Variants in AKT3 observed in about 807,000 individuals in gnomAD.
AKT3 encodes the protein RAC-gamma serine/threonine-protein kinase.
In AKT3, 15 loss-of-function variants were observed where a neutral mutation model predicts 65.3. The ratio of observed to expected loss-of-function variants is 0.23; its 90% CI spans 0.15 to 0.35. AKT3 has a LOEUF of 0.35. AKT3 is among the 10% of genes least tolerant of loss of function. The pLI, the probability that AKT3 is intolerant of heterozygous loss-of-function variation, is 1.00. For synonymous variants in AKT3, 206 were observed against 183.8 expected (o/e 1.12, Z -0.98); for missense variants, 243 against 576.5 (o/e 0.42, Z 5.92).
At chr1:243,675,148 C>A (rs980951235) in intron 3 of AKT3, among the ~76,000 whole-genome samples, 1 of 152,148 alleles carries the variant, frequency 6.6e-6, no homozygotes, top group African/African-American at 2.4e-5. Context: ...TCAGTGCATA[C>A]ATACCACAGT....
chr1:243,526,904 C>T (rs867772525), intron 12 of AKT3, among the ~76,000 whole-genome samples: 18 of 150,468 alleles, frequency 1.2e-4, no homozygotes, highest in Middle Eastern at 3.5e-3. Context: ...AATTAGACAG[C>T]GGTGATGGTT....
At chr1:243,845,290 T>C (rs1034995597) in intron 1 of AKT3, among the ~76,000 whole-genome samples, 7 of 150,508 alleles carry the variant, frequency 4.7e-5, no homozygotes, top group Non-Finnish European at 1.0e-4. Context: ...AGGCTGAGAC[T>C]CCTCAAAATC....
chr1:243,758,407 G>A lies in AKT3; in HGVS notation c.47-62691C>T, dbSNP rs149507173. On this transcript the variant is annotated intron_variant, in intron 2 of 13. Coordinates refer to ENST00000673466, the MANE Select transcript of AKT3 (RefSeq NM_005465.7). ...GTGGGAAAGAGTTTTCTTGACATAG[G>A]GAATAGCAAGGCTTTAAGATGGAAA... 1.5e-3 allele frequency among the ~76,000 whole-genome samples: 230 copies of A among 152,182 alleles called. 1 individual carries two copies. The highest frequency in any genetic ancestry group is 5.3e-3 in the African/African-American group (220 of 41,520).
chr1:243,619,886 CT>C lies in AKT3; in HGVS notation c.562-4726del, dbSNP rs200628154. ...AGTTCTATTTTTAGTTTTTGAGGAA[CT>C]TTCATATGGTTTTCTATAGTGGTTA... On this transcript the variant is annotated intron_variant, in intron 6 of 13. Coordinates refer to ENST00000673466, the MANE Select transcript of AKT3 (RefSeq NM_005465.7). Among the ~76,000 whole-genome samples, 857 of 98,228 alleles carry C rather than the reference CT, an allele frequency of 8.7e-3. 135 individuals carry two copies. The highest frequency in any genetic ancestry group is 0.021 in the African/African-American group (805 of 38,108). The allele number at this position is 98,228 out of a possible 152,430, so 64.4% of individuals were successfully genotyped here. A position where few individuals can be genotyped will look rare whatever the true frequency, so the allele number is the denominator to read the frequency against.
chr1:243,607,416 T>C (rs1677508970), intron 8 of AKT3, among the ~76,000 whole-genome samples: 1 of 152,192 alleles, frequency 6.6e-6, no homozygotes, highest in South Asian at 2.1e-4. Flanking sequence ...TTTGGAACTT[T>C]AAGGTTTAAT....
At chr1:243,740,871 G>C (rs1688111915) in intron 2 of AKT3, 1 of 152,098 alleles carries the variant, frequency 6.6e-6, no homozygotes, top group Admixed American at 6.5e-5. Context: ...ACAAAGGCCA[G>C]GTAGGAAAGA....
intron 2 of AKT3, among the ~76,000 whole-genome samples, chr1:243,773,623 G>GC (rs199649280): frequency 0.01 from 1,548 of 151,728 alleles, 20 homozygotes; most frequent in African/African-American, 0.036. Context: ...AGACCCCATC[G>GC]CCCCCCACAA....
At chr1:243,829,284 A>G (rs1694359054) in intron 2 of AKT3, among the ~76,000 whole-genome samples, 1 of 151,994 alleles carries the variant, frequency 6.6e-6, no homozygotes, top group African/African-American at 2.4e-5. Flanking sequence ...TTAAAGGAGA[A>G]TATATTACTT....
intron 12 of AKT3, among the ~76,000 whole-genome samples, chr1:243,519,713 G>A (rs958240564): frequency 2.6e-5 from 4 of 152,006 alleles, no homozygotes; most frequent in Non-Finnish European, 5.9e-5. Flanking sequence ...GAGCTTTCAT[G>A]AGAAATCATT....
chr1:243,595,256 C>T (rs1395687887), intron 8 of AKT3, among the ~76,000 whole-genome samples: 4 of 152,006 alleles, frequency 2.6e-5, no homozygotes, highest in African/African-American at 9.7e-5. Context: ...TAGAAAAGTA[C>T]AGTAAAAATA....
downstream of AKT3, among the ~76,000 whole-genome samples, chr1:243,495,457 T>C (rs1667579024): frequency 6.6e-6 from 1 of 152,200 alleles, no homozygotes; most frequent in Non-Finnish European, 1.5e-5. Flanking sequence ...GTGGAGGCTG[T>C]TATCAGGGGC....
chr1:243,603,849 T>C (rs1677194795), intron 8 of AKT3, among the ~76,000 whole-genome samples: 1 of 152,050 alleles, frequency 6.6e-6, no homozygotes, highest in Non-Finnish European at 1.5e-5. Flanking sequence ...AATAACTAAA[T>C]ATTACTAGAA....
chr1:243,813,770 A>G (rs569693810), intron 2 of AKT3, among the ~76,000 whole-genome samples: 7 of 152,342 alleles, frequency 4.6e-5, no homozygotes, highest in Admixed American at 2.6e-4. Context: ...AGATAAAGTG[A>G]TATCTACAGC....
chr1:243,592,997 G>A (rs762529254), intron 8 of AKT3, among the ~76,000 whole-genome samples: 4 of 152,130 alleles, frequency 2.6e-5, no homozygotes, highest in African/African-American at 4.8e-5. Flanking sequence ...TAATCTAAGC[G>A]GAACACAAAA....
At position 243,806,968 on chromosome 1, in the gene AKT3, A is replaced by T. The variant is rs548011332; in HGVS notation, c.46+36157T>A. Among the ~76,000 whole-genome samples the T allele has an allele frequency of 1.1e-4, 16 of 152,290 alleles. No homozygotes were observed. In the East Asian group the frequency reaches 3.1e-3, roughly 29 times the overall value. ...TTTCCCTATAATTCATAACGTAAAA[A>T]CTGATTCAGGCAATATCATCAATGG... is the stretch of plus-strand genomic sequence containing the variant. On this transcript the variant is annotated intron_variant, in intron 2 of 13. Coordinates refer to ENST00000673466, the MANE Select transcript of AKT3 (RefSeq NM_005465.7).
intron 8 of AKT3, among the ~76,000 whole-genome samples, chr1:243,605,268 T>A (rs1159598944): frequency 6.6e-6 from 1 of 151,690 alleles, no homozygotes; most frequent in Non-Finnish European, 1.5e-5. Context: ...CCTCAAGCAA[T>A]CCTCCTATCT....
chr1:243,536,717 A>G (rs188737623), intron 12 of AKT3, among the ~76,000 whole-genome samples: 1 of 152,162 alleles, frequency 6.6e-6, no homozygotes, highest in African/African-American at 2.4e-5. Flanking sequence ...GCCAGAAATA[A>G]CACTGGTTTT....
At chr1:243,573,842 ACACGGCTCTCCAAT>A (rs1242487076) in intron 8 of AKT3, among the ~76,000 whole-genome samples, 1 of 152,200 alleles carries the variant, frequency 6.6e-6, no homozygotes, top group Non-Finnish European at 1.5e-5. Context: ...GTGACCAAGT[ACACGGCTCTCCAAT>A]AGGCCACTTC....
chr1:243,551,769 T>C (rs969355314), intron 11 of AKT3, among the ~76,000 whole-genome samples: 1 of 152,068 alleles, frequency 6.6e-6, no homozygotes, highest in Admixed American at 6.5e-5. Context: ...TTAAGAAACA[T>C]TTTAATATTA....
Sources: allele counts gnomAD v4.1 joint callset (sites outside exome capture counted in the v4.1 genomes callset), GRCh38; gene constraint gnomAD v4.1.1; transcripts MANE v1.5; gene names NCBI Gene and HGNC (gene_info 2026-07-23, HGNC 2026-07-21).